DMD: variants seen among roughly 807,000 people sequenced by gnomAD.
DMD encodes the protein dystrophin.
In DMD, 63 loss-of-function variants were observed where a neutral mutation model predicts 330.1. The ratio of observed to expected loss-of-function variants is 0.19; its 90% CI spans 0.16 to 0.24. DMD has a LOEUF of 0.24. DMD is among the 10% of genes least tolerant of loss of function. The pLI is 1.00. For missense variants in DMD, 3,344 were observed against 2,684.1 expected, an observed-to-expected ratio of 1.25 and a Z score of -5.43; for synonymous variants, 1,223 against 959.8, an observed-to-expected ratio of 1.27 and a Z score of -5.07.
chrX:32,336,155 C>T (rs985730778), intron 41 of DMD, among the ~76,000 whole-genome samples: 1 of 108,782 alleles, frequency 9.2e-6, no homozygotes, highest in Non-Finnish European at 1.9e-5. Context: ...AACATGTTAT[C>T]TGTGTGTGTA....
chrX:31,970,930 G>A (rs959208583), intron 44 of DMD, among the ~76,000 whole-genome samples: 1 of 111,528 alleles, frequency 9.0e-6, no homozygotes, highest in Non-Finnish European at 1.9e-5. Context: ...GCTCTTATTT[G>A]TTCCTTCAAG....
intron 7 of DMD, among the ~76,000 whole-genome samples, chrX:32,750,250 T>A (rs1016599524): frequency 5.4e-5 from 6 of 111,967 alleles, no homozygotes; most frequent in African/African-American, 9.7e-5. Context: ...GTCTATCATT[T>A]TCAAACTCTA....
intron 2 of DMD, among the ~76,000 whole-genome samples, chrX:32,920,763 A>G (rs2088315292): frequency 8.9e-6 from 1 of 112,389 alleles, no homozygotes; most frequent in African/African-American, 3.2e-5. Context: ...GGAACTTCCA[A>G]TCTATTGTAG....
intron 55 of DMD, among the ~76,000 whole-genome samples, chrX:31,620,959 T>C (rs2078500253): frequency 8.9e-6 from 1 of 111,937 alleles, no homozygotes. Context: ...GCTTCCATGT[T>C]GATGTCCTTC....
intron 62 of DMD, among the ~76,000 whole-genome samples, chrX:31,306,235 G>A (rs2055021351): frequency 9.0e-6 from 1 of 111,470 alleles, no homozygotes; most frequent in African/African-American, 3.3e-5. Flanking sequence ...TCTTTATAAT[G>A]TATAACCCTT....
intron 60 of DMD, among the ~76,000 whole-genome samples, chrX:31,405,981 A>G: frequency 8.9e-6 from 1 of 112,246 alleles, no homozygotes. Flanking sequence ...GTTGTCACAA[A>G]TTACTACACT....
At chrX:33,040,213 G>GTTCC (rs2094276276) in intron 1 of DMD, among the ~76,000 whole-genome samples, 1 of 111,005 alleles carries the variant, frequency 9.0e-6, no homozygotes, top group African/African-American at 3.3e-5. Flanking sequence ...GCTCCCCTCA[G>GTTCC]TGACACACAA....
chrX:31,374,377 G>A lies in DMD; in HGVS notation c.9085-25743C>T, dbSNP rs1195139093. On this transcript the variant is annotated intron_variant, in intron 60 of 78. Coordinates refer to ENST00000357033, the MANE Select transcript of DMD (RefSeq NM_004006.3). ...GCTATAAAGACACATGCACACGTAC[G>A]TTTATTGTGGCACTATTCACAACAG... 6.5e-5 allele frequency among the ~76,000 whole-genome samples: 7 copies of A among 108,334 alleles called. No individual in the cohort carries two copies. In the Admixed American group the frequency reaches 7.0e-4, roughly 11 times the overall value. 94.1% of individuals were successfully genotyped at this position (108,334 alleles called of 115,157 possible).
chrX:32,379,867 G>A, intron 34 of DMD, among the ~76,000 whole-genome samples: 1 of 110,549 alleles, frequency 9.0e-6, no homozygotes. Flanking sequence ...ATCAATATCA[G>A]CTATTTTCTT....
chrX:31,493,132 T>C (rs1350569876), intron 57 of DMD, among the ~76,000 whole-genome samples: 1 of 112,046 alleles, frequency 8.9e-6, no homozygotes, highest in African/African-American at 3.2e-5. Context: ...TACCACTCTA[T>C]TCTTTCTTTC....
chrX:32,241,746 A>C (rs1286279881), intron 43 of DMD, among the ~76,000 whole-genome samples: 1 of 112,394 alleles, frequency 8.9e-6, no homozygotes, highest in Non-Finnish European at 1.9e-5. Context: ...CTGTAAATAC[A>C]GTTCTGTAAA....
intron 9 of DMD, among the ~76,000 whole-genome samples, chrX:32,672,706 A>G (rs987341437): frequency 9.0e-6 from 1 of 110,841 alleles, no homozygotes; most frequent in Admixed American, 9.7e-5. Flanking sequence ...TTGACTGAGA[A>G]AAAAAGTACT....
intron 51 of DMD, among the ~76,000 whole-genome samples, chrX:31,749,955 T>C (rs1224376363): frequency 9.3e-6 from 1 of 107,786 alleles, no homozygotes; most frequent in Non-Finnish European, 1.9e-5. Flanking sequence ...TTGAGAAGTG[T>C]CTGTTCATGT....
intron 1 of DMD, among the ~76,000 whole-genome samples, chrX:33,025,504 C>G (rs183654058): frequency 9.1e-6 from 1 of 110,274 alleles, no homozygotes; most frequent in East Asian, 2.9e-4. Flanking sequence ...GTTCTATAAA[C>G]ACTAACAATT....
At chrX:33,058,281 T>C (rs1291467145) in intron 1 of DMD, among the ~76,000 whole-genome samples, 1 of 110,756 alleles carries the variant, frequency 9.0e-6, no homozygotes, top group Non-Finnish European at 1.9e-5. Context: ...GCTATTTTGG[T>C]GGACTTAATT....
chrX:33,013,131 T>A (rs1026807352), intron 2 of DMD, among the ~76,000 whole-genome samples: 2 of 110,516 alleles, frequency 1.8e-5, no homozygotes, highest in African/African-American at 6.6e-5. Context: ...CCAACAATAA[T>A]AGGTATGGAA....
At chrX:32,216,765 A>G (rs750086821) in intron 44 of DMD, 151 bp downstream of exon 44, 3 of 525,276 alleles carry the variant, frequency 5.7e-6, no homozygotes, top group Non-Finnish European at 9.6e-6. Flanking sequence ...TAATATTATC[A>G]TTATGATAAT....
intron 11 of DMD, among the ~76,000 whole-genome samples, chrX:32,643,827 C>A: frequency 9.0e-6 from 1 of 111,556 alleles, no homozygotes; most frequent in Non-Finnish European, 1.9e-5. Flanking sequence ...GCTTCTGTGC[C>A]TTTTATAGTG....
chrX:32,539,800 A>G (rs1429497599), intron 17 of DMD, among the ~76,000 whole-genome samples: 2 of 111,754 alleles, frequency 1.8e-5, no homozygotes, highest in Non-Finnish European at 3.8e-5. Context: ...AAAGTAGAAT[A>G]TATAATAATA....
Sources: gnomAD v4.1 joint callset for allele counts (sites outside exome capture counted in the v4.1 genomes callset) on GRCh38, gnomAD v4.1.1 for gene constraint, MANE v1.5 for transcripts, NCBI Gene and HGNC (gene_info 2026-07-23, HGNC 2026-07-21) for gene names.